PRG4: variants seen among roughly 807,000 people sequenced by gnomAD.
PRG4 encodes proteoglycan 4.
Under a neutral mutation model 91.2 loss-of-function variants are expected in PRG4, and 61 were observed. The observed-to-expected ratio is 0.67, with a 90% CI of 0.54 to 0.83. PRG4 has a LOEUF of 0.83. Ranked by LOEUF, PRG4 falls within the 40% of genes least tolerant of loss-of-function variation. PRG4 has a pLI of 0.00. For missense variants in PRG4, 1,564 were observed against 1,714.2 expected (o/e 0.91, Z 1.55); for synonymous variants, 576 against 614.2 (o/e 0.94, Z 0.92).
At chr1:186,305,005 ATG>A in intron 6 of PRG4, 83 bp downstream of exon 6, 1 of 1,408,860 alleles carries the variant, frequency 7.1e-7, no homozygotes, top group Non-Finnish European at 9.9e-7. Context: ...TGTTGGCAGA[ATG>A]AGGACATCTT....
chr1:186,300,257 G>A lies in PRG4; in HGVS notation c.199+44G>A, dbSNP rs369539966. 55 of 1,612,030 alleles carry A rather than the reference G, an allele frequency of 3.4e-5. No homozygotes were observed. In the African/African-American group the frequency reaches 3.6e-4, roughly 11 times the overall value. On this transcript the variant is annotated intron_variant, in intron 3 of 12. Transcript: ENST00000445192. Reference sequence around the variant, plus strand: ...TGTCTCCTCTGTCAAGCAACACTGCGAGTCTGTGAGTCCCCCCTTGCACCC... The same window carrying A: ...TGTCTCCTCTGTCAAGCAACACTGCAAGTCTGTGAGTCCCCCCTTGCACCC...
rs779021795 is a variant in PRG4 at position 186,306,441 on chromosome 1, C to T, written c.722C>T (p.Thr241Ile). 1 of 1,613,666 alleles carries T rather than the reference C, an allele frequency of 6.2e-7. No homozygotes were observed. Among genetic ancestry groups the T allele is most frequent in the South Asian group, 1.1e-5 (1 of 91,068 alleles). Residue 241 changes from threonine (T) to isoleucine (I), a missense_variant, in exon 7 of 13, where the codon ACC (threonine) becomes ATC (isoleucine). Physicochemically the swap from Thr to Ile is moderately conservative, Grantham distance 89. Around this residue, in one of 3 missense-constraint regions of PRG4, gnomAD observed 437 missense variants for 459.0 expected, o/e 0.95. Transcript: ENST00000445192. ...GTCACAACTCCTGACACGTCTACCA[C>T]CCAACACAATAAAGTCAGCACATCT... is the stretch of plus-strand genomic sequence containing the variant. ...FKVTTPDTST[T>I]QHNKVSTSPK... is the part of the protein sequence containing the mutation.
intron 7 of PRG4, 53 bp from the exon 8 acceptor site, chr1:186,309,740 C>T: frequency 7.6e-7 from 1 of 1,307,880 alleles, no homozygotes; most frequent in South Asian, 1.2e-5. Flanking sequence ...AAAGAACATA[C>T]AGACTTTTCT....
intron 2 of PRG4, among the ~76,000 whole-genome samples, chr1:186,299,482 G>A (rs1434023701): frequency 6.6e-6 from 1 of 152,210 alleles, no homozygotes; most frequent in Non-Finnish European, 1.5e-5. Flanking sequence ...TCAAATTCTG[G>A]ATGGATTGTT....
intron 12 of PRG4, 73 bp from the exon 13 acceptor site, chr1:186,313,608 G>T (rs1657442739): frequency 1.1e-6 from 1 of 880,862 alleles, no homozygotes; most frequent in East Asian, 2.4e-5. Context: ...GAGCATAATA[G>T]TCAACATAAG....
At chr1:186,298,640 G>A (rs1362596003) in intron 2 of PRG4, among the ~76,000 whole-genome samples, 1 of 151,832 alleles carries the variant, frequency 6.6e-6, no homozygotes, top group African/African-American at 2.4e-5. Flanking sequence ...ACAGGCCCCT[G>A]CCACCATGCC....
At chr1:186,312,515 C>A in intron 11 of PRG4, 143 bp downstream of exon 11, 1 of 884,190 alleles carries the variant, frequency 1.1e-6, no homozygotes, top group Non-Finnish European at 1.7e-6. Context: ...CATCCACTTG[C>A]CTTAGTGAAT....
rs527477054 is a variant in PRG4, at chr1:186,301,761, C to T, written c.319+50C>T. On this transcript the variant is annotated intron_variant, in intron 4 of 12. Coordinates refer to ENST00000445192, the MANE Select transcript of PRG4 (RefSeq NM_005807.6). ...GCTTCTCAGTACAGCCAGATCTGTG[C>T]ACCTACCTTAGCATCACTGATAATG... The T allele has an allele frequency of 6.3e-6, 10 of 1,592,332 alleles. No homozygotes were observed. In the Admixed American group the frequency reaches 1.7e-4, roughly 27 times the overall value.
rs1011439822 is a variant in PRG4, at chr1:186,296,902, C to T, written c.27C>T (p.Tyr9=). 1.2e-5 allele frequency: 20 copies of T among 1,613,972 alleles called. No homozygotes were observed. Among genetic ancestry groups the T allele is most frequent in the Non-Finnish European group, 1.6e-5 (19 of 1,179,892 alleles). MAWKTLPI[Y]LLLLLSVFVI... The stretch of plus-strand genomic sequence containing the variant: ...TGGCATGGAAAACACTTCCCATTTA[C>T]CTGTTGTTGCTGCTGTCTGTTTTCG... The change falls in exon 2 of 13, where the codon TAC becomes TAT. Residue 9 remains tyrosine, a synonymous_variant. Transcript: ENST00000445192.
At position 186,308,908 on chromosome 1, in the gene PRG4, C is replaced by T. The variant is rs1418991840; in HGVS notation, c.3189C>T (p.Asn1063=). ...TGACATCAACAATGCCAGAATTGAA[C>T]CCTACCTCAAGAATAGCAGAAGCCA... The part of the protein sequence containing the change: ...RKMTSTMPEL[N]PTSRIAEAML... Residue 1063 remains asparagine (N), a synonymous_variant, in exon 7 of 13, where the codon AAC becomes AAT. Transcript: ENST00000445192. 2.5e-6 allele frequency: 4 copies of T among 1,612,998 alleles called. No homozygotes were observed.
At position 186,313,974 on chromosome 1, in the gene PRG4, A is replaced by G. The variant is rs1453672611; in HGVS notation, c.*196A>G. 6 of 1,611,624 alleles carry G rather than the reference A, an allele frequency of 3.7e-6. No homozygotes were observed. The highest frequency in any genetic ancestry group is 2.7e-5 in the African/African-American group (2 of 74,896). On this transcript the variant is annotated 3_prime_UTR_variant, in exon 13 of 13. Coordinates refer to ENST00000445192, the MANE Select transcript of PRG4 (RefSeq NM_005807.6). ...GTTGTTATTGTTTACAGACCATTTA[A>G]TTAATATTTCCTCTGTTTATTCCTC...
intron 12 of PRG4, 122 bp downstream of exon 12, chr1:186,313,016 T>C: frequency 9.3e-7 from 1 of 1,076,746 alleles, no homozygotes; most frequent in Non-Finnish European, 1.4e-6. Flanking sequence ...GTACTTATTC[T>C]AATTGCTGTG....
At chr1:186,312,933 C>A in intron 12 of PRG4, 39 bp downstream of exon 12, 1 of 1,583,910 alleles carries the variant, frequency 6.3e-7, no homozygotes, top group South Asian at 1.1e-5. Flanking sequence ...GAGGTGATAT[C>A]ATTTGTGAAA....
At chr1:186,310,740 C>T (rs1657151454) in intron 8 of PRG4, among the ~76,000 whole-genome samples, 1 of 151,092 alleles carries the variant, frequency 6.6e-6, no homozygotes, top group Admixed American at 6.6e-5. Flanking sequence ...GGGCCCAAGC[C>T]ATCTACCCGC....
At chr1:186,297,467 T>C (rs1278447023) in intron 2 of PRG4, among the ~76,000 whole-genome samples, 1 of 152,222 alleles carries the variant, frequency 6.6e-6, no homozygotes, top group African/African-American at 2.4e-5. Flanking sequence ...TTACAAGAAC[T>C]ATTTATCCAG....
chr1:186,314,420 A>C lies in PRG4; in HGVS notation c.*642A>C. The C allele has an allele frequency of 2.6e-6, 1 of 377,434 alleles. No homozygotes were observed. The highest frequency in any genetic ancestry group is 4.2e-5 in the Admixed American group (1 of 24,050). 23.4% of individuals were successfully genotyped at this position (377,434 alleles called of 1,614,324 possible). On this transcript the variant is annotated 3_prime_UTR_variant, in exon 13 of 13. Transcript: ENST00000445192. Reference sequence around the variant, plus strand: ...AGGAAGAAATCAATAAATATAAAATATAAGCACATATTTATTATATATCTA... The same window carrying C: ...AGGAAGAAATCAATAAATATAAAATCTAAGCACATATTTATTATATATCTA...
intron 6 of PRG4, 130 bp downstream of exon 6, chr1:186,305,052 C>A: frequency 1.9e-6 from 2 of 1,069,318 alleles, no homozygotes; most frequent in Non-Finnish European, 2.7e-6. Flanking sequence ...TGAATATTAT[C>A]TTAGAAAGTA....
Position 186,314,133 on chromosome 1 carries a change from A to G in PRG4, c.*355A>G. ...AAAAATATCTAGGCATTGTGGATAT[A>G]AAACTGTTGGGTATTCTACAACTTC... On this transcript the variant is annotated 3_prime_UTR_variant, in exon 13 of 13. Coordinates refer to ENST00000445192, the MANE Select transcript of PRG4 (RefSeq NM_005807.6). 1 of 1,046,418 alleles carries G rather than the reference A, an allele frequency of 9.6e-7. No individual in the cohort carries two copies. The highest frequency in any genetic ancestry group is 1.4e-6 in the Non-Finnish European group (1 of 715,726). The allele number at this position is 1,046,418 out of a possible 1,614,324, so 64.8% of individuals were successfully genotyped here.
chr1:186,305,007 G>C (rs911543804), intron 6 of PRG4, 85 bp downstream of exon 6: 1 of 1,399,358 alleles, frequency 7.1e-7, no homozygotes, highest in South Asian at 1.2e-5. Context: ...TTGGCAGAAT[G>C]AGGACATCTT....
Sources: allele counts gnomAD v4.1 joint callset (sites outside exome capture counted in the v4.1 genomes callset), GRCh38; gene constraint gnomAD v4.1.1; regional missense constraint gnomAD v4.1.1; transcripts MANE v1.5; gene names NCBI Gene and HGNC (gene_info 2026-07-23, HGNC 2026-07-21).